Variants in TANGO6 observed in about 807,000 individuals in gnomAD.
TANGO6 encodes transport and golgi organization 6 homolog.
A neutral mutation model predicts 114.2 loss-of-function variants in TANGO6; 90 were observed. That is an observed-to-expected ratio of 0.79 (90% CI 0.66 to 0.94). The LOEUF (loss-of-function observed/expected upper bound fraction) is 0.94. TANGO6 is among the 40% of genes least tolerant of loss of function. The pLI is 0.00. For synonymous variants in TANGO6, 477 were observed against 509.8 expected, an observed-to-expected ratio of 0.94 and a Z score of 0.87; for missense variants, 1,274 against 1,315.3, an observed-to-expected ratio of 0.97 and a Z score of 0.49.
intron 14 of TANGO6, among the ~76,000 whole-genome samples, chr16:68,962,589 T>G (rs1310911460): frequency 1.3e-5 from 2 of 152,002 alleles, no homozygotes; most frequent in South Asian, 4.1e-4. Context: ...TGAAGAAACC[T>G]TTTCTTTACT....
At chr16:69,073,751 T>C (rs1960330995) in intron 17 of TANGO6, among the ~76,000 whole-genome samples, 1 of 151,976 alleles carries the variant, frequency 6.6e-6, no homozygotes, top group Non-Finnish European at 1.5e-5. Context: ...GGTCAGGTGT[T>C]TGAGACCAGC....
intron 7 of TANGO6, among the ~76,000 whole-genome samples, chr16:68,885,192 G>A (rs1218472821): frequency 1.3e-5 from 2 of 152,170 alleles, no homozygotes; most frequent in Non-Finnish European, 2.9e-5. Context: ...TAGGTAACGT[G>A]GAGGATAACA....
At chr16:69,059,611 C>T (rs1430617364) in intron 17 of TANGO6, among the ~76,000 whole-genome samples, 2 of 152,038 alleles carry the variant, frequency 1.3e-5, no homozygotes, top group Non-Finnish European at 2.9e-5. Flanking sequence ...CCTCTGCCTC[C>T]CGGGTTCAAA....
In TANGO6 at chr16:68,900,510, T is replaced by A. The variant is rs535931973; in HGVS notation, c.1454T>A (p.Leu485His). 6.2e-7 allele frequency: 1 copy of A among 1,613,994 alleles called. No individual in the cohort carries two copies. Among genetic ancestry groups the A allele is most frequent in the South Asian group, 1.1e-5 (1 of 91,078 alleles). ...LLPVLGVLFLLYCFTKQSVSH... is the reference protein window; with the variant it reads ...LLPVLGVLFLHYCFTKQSVSH... Reference sequence around the variant, plus strand: ...CCAGTCCTGGGAGTGCTTTTTCTTCTCTACTGTTTTACTAAGCAGAGTGTG... The same window carrying A: ...CCAGTCCTGGGAGTGCTTTTTCTTCACTACTGTTTTACTAAGCAGAGTGTG... Residue 485 changes from leucine (L) to histidine (H), a missense_variant, in exon 8 of 18, where the codon CTC becomes CAC. Transcript: ENST00000261778.
chr16:69,006,683 G>A (rs989550064), intron 15 of TANGO6, among the ~76,000 whole-genome samples: 24 of 152,072 alleles, frequency 1.6e-4, no homozygotes, highest in East Asian at 5.8e-4. Flanking sequence ...CCTGGAAGGC[G>A]GTGGTTGCAG....
chr16:69,038,050 C>T (rs906578990), intron 16 of TANGO6, among the ~76,000 whole-genome samples: 1 of 152,214 alleles, frequency 6.6e-6, no homozygotes, highest in Non-Finnish European at 1.5e-5. Flanking sequence ...TGTTTCTAAA[C>T]ACAGTCTGGC....
intron 14 of TANGO6, among the ~76,000 whole-genome samples, chr16:68,940,095 C>T (rs1963336690): frequency 6.8e-6 from 1 of 147,672 alleles, no homozygotes; most frequent in Non-Finnish European, 1.5e-5. Flanking sequence ...TCTCTCTCTC[C>T]TTCCTTCCTT....
chr16:68,983,642 T>C (rs896113372), intron 15 of TANGO6, among the ~76,000 whole-genome samples: 1 of 152,194 alleles, frequency 6.6e-6, no homozygotes, highest in African/African-American at 2.4e-5. Context: ...TCTGTCCTTT[T>C]TCTTCTCCAA....
At chr16:68,904,481 T>C (rs1322916628) in intron 9 of TANGO6, among the ~76,000 whole-genome samples, 1 of 152,222 alleles carries the variant, frequency 6.6e-6, no homozygotes, top group Non-Finnish European at 1.5e-5. Flanking sequence ...TTATTCATTC[T>C]ATTAGAGGAA....
rs569754494 is a variant in TANGO6 at position 68,863,027 on chromosome 16, G to C, written c.818G>C (p.Arg273Pro). ...LDQVYQPLAV[R>P]ELLILQGGPP... ...CAAGTCTATCAGCCCTTAGCAGTCC[G>C]GGAACTGCTTATCCTCCAGGGAGGA... The change falls in exon 3 of 18, where the codon CGG (arginine) becomes CCG (proline). Residue 273 changes from arginine to proline, a missense_variant. By Grantham distance (103) the Arg-to-Pro change is moderately radical. This residue lies in a region of TANGO6 where 908 missense variants were observed against 910.2 expected (regional missense o/e 1.00). Transcript: ENST00000261778. The C allele has an allele frequency of 5.7e-6, 9 of 1,591,564 alleles. No individual in the cohort carries two copies. The highest frequency in any genetic ancestry group is 1.8e-5 in the Admixed American group (1 of 56,578).
intron 4 of TANGO6, among the ~76,000 whole-genome samples, chr16:68,868,424 C>T (rs996998057): frequency 6.6e-6 from 1 of 151,580 alleles, no homozygotes; most frequent in Non-Finnish European, 1.5e-5. Context: ...AATCCATTTC[C>T]CATTTCTAGA....
At chr16:68,948,583 T>C (rs1446201291) in intron 14 of TANGO6, among the ~76,000 whole-genome samples, 1 of 152,246 alleles carries the variant, frequency 6.6e-6, no homozygotes, top group Non-Finnish European at 1.5e-5. Context: ...AGTTTCCTAG[T>C]GGTCTTAAGT....
chr16:68,929,289 T>TA (rs1274903852), intron 13 of TANGO6, among the ~76,000 whole-genome samples: 1 of 152,210 alleles, frequency 6.6e-6, no homozygotes, highest in Non-Finnish European at 1.5e-5. Context: ...TTAGCTTAAT[T>TA]AAACCTTCTT....
Position 69,073,084 on chromosome 16 carries a change from C to A in TANGO6, c.3109-10401C>A, listed in dbSNP as rs564535567. Reference sequence around the variant, plus strand: ...TAAAAAAAAAAAAAAAGTGGAAGCTCTAGAATTTCTATATATAGAGATGCT... The same window carrying A: ...TAAAAAAAAAAAAAAAGTGGAAGCTATAGAATTTCTATATATAGAGATGCT... On this transcript the variant is annotated intron_variant, in intron 17 of 17. Transcript: ENST00000261778. 2.6e-5 allele frequency among the ~76,000 whole-genome samples: 4 copies of A among 151,154 alleles called. No individual in the cohort carries two copies. In the South Asian group the frequency reaches 8.4e-4, roughly 32 times the overall value.
intron 15 of TANGO6, among the ~76,000 whole-genome samples, chr16:69,011,654 C>T (rs887813599): frequency 1.3e-5 from 2 of 152,128 alleles, no homozygotes; most frequent in African/African-American, 2.4e-5. Context: ...GACAAGCTTT[C>T]GCCATATTGC....
At chr16:69,020,193 T>TTCCCCAACTTGA (rs1183782295) in intron 15 of TANGO6, among the ~76,000 whole-genome samples, 6 of 152,190 alleles carry the variant, frequency 3.9e-5, no homozygotes, top group Non-Finnish European at 5.9e-5. Context: ...TACTAATTAT[T>TTCCCCAACTTGA]TCCCCAACTT....
At chr16:68,862,290 C>G (rs140594862) in intron 2 of TANGO6, among the ~76,000 whole-genome samples, 9,246 of 152,208 alleles carry the variant, frequency 0.061, 295 homozygotes, top group Admixed American at 0.075. Context: ...TCTTGACTCA[C>G]TGTAACCTCC....
intron 17 of TANGO6, among the ~76,000 whole-genome samples, chr16:69,052,160 C>A (rs1355617429): frequency 6.6e-6 from 1 of 151,382 alleles, no homozygotes; most frequent in Non-Finnish European, 1.5e-5. Flanking sequence ...ATTGCCCAGG[C>A]TAGTCGTATC....
chr16:68,958,327 T>C (rs1224205923), intron 14 of TANGO6, among the ~76,000 whole-genome samples: 5 of 150,964 alleles, frequency 3.3e-5, no homozygotes, highest in African/African-American at 1.2e-4. Context: ...CTGTCTCTAC[T>C]AAAACCACAA....
Sources: allele counts gnomAD v4.1 joint callset (sites outside exome capture counted in the v4.1 genomes callset), GRCh38; gene constraint gnomAD v4.1.1; regional missense constraint gnomAD v4.1.1; transcripts MANE v1.5; gene names NCBI Gene and HGNC (gene_info 2026-07-23, HGNC 2026-07-21).